The following PELO variants were observed in gnomAD, a reference collection of about 807,000 sequenced individuals.
PELO encodes the protein pelota mRNA surveillance and ribosome rescue factor, also known as protein pelota homolog.
A neutral mutation model predicts 25.9 loss-of-function variants in PELO; 19 were observed. The ratio of observed to expected loss-of-function variants is 0.73; its 90% CI spans 0.51 to 1.08. PELO has a LOEUF of 1.08. PELO is among the 50% of genes least tolerant of loss of function. PELO has a pLI of 0.00. For missense variants in PELO, 498 were observed against 491.4 expected (o/e 1.01, Z -0.13); for synonymous variants, 196 against 192.2 (o/e 1.02, Z -0.16).
At chr5:52,796,552 C>T (rs1374966376) in intron 1 of PELO, among the ~76,000 whole-genome samples, 2 of 152,064 alleles carry the variant, frequency 1.3e-5, no homozygotes, top group East Asian at 3.9e-4. Context: ...ATAACTACAG[C>T]AGTTTCTGAA....
At chr5:52,794,286 G>A (rs1438620596) in intron 1 of PELO, among the ~76,000 whole-genome samples, 4 of 139,248 alleles carry the variant, frequency 2.9e-5, no homozygotes, top group Admixed American at 7.0e-5. Context: ...AGTTAAGATG[G>A]TTTATATATT....
chr5:52,798,674 T>C (rs1414382458), intron 1 of PELO, among the ~76,000 whole-genome samples: 1 of 152,134 alleles, frequency 6.6e-6, no homozygotes, highest in East Asian at 1.9e-4. Flanking sequence ...TGAATCTGCA[T>C]TTTTACGTAA....
In PELO at chr5:52,788,087, G is replaced by T; in HGVS notation, c.-838G>T. ...TGTCTCGGACAGAGCCTGGGAAGCT[G>T]CCAGTGAGATTTCAGAGACCAAGAG... On this transcript the variant is annotated 5_prime_UTR_variant, in exon 1 of 3. Transcript: ENST00000274311. 2.4e-6 allele frequency: 1 copy of T among 408,318 alleles called. No individual in the cohort carries two copies. The highest frequency in any genetic ancestry group is 4.4e-6 in the Non-Finnish European group (1 of 228,902). 25.3% of individuals were successfully genotyped at this position (408,318 alleles called of 1,614,324 possible). A position where few individuals can be genotyped will look rare whatever the true frequency, so the allele number is the denominator to read the frequency against.
rs1382349596 is a variant in PELO, at chr5:52,788,402, T to C, written c.-523T>C. 31 of 1,513,630 alleles carry C rather than the reference T, an allele frequency of 2.0e-5. 1 individual carries two copies. The highest frequency in any genetic ancestry group is 2.7e-5 in the East Asian group (1 of 36,798). The allele number at this position is 1,513,630 out of a possible 1,614,324, so 93.8% of individuals were successfully genotyped here. On this transcript the variant is annotated 5_prime_UTR_variant, in exon 1 of 3. Coordinates refer to ENST00000274311, the MANE Select transcript of PELO (RefSeq NM_015946.5). ...CCCAGGGGTCGCTGTCGCCTGCTGC[T>C]GGCTCCTCACTGGTGAGCGACTCGC...
rs761558163 is a variant in PELO, at chr5:52,801,498, T to G, written c.816T>G (p.Ala272=). The change falls in exon 3 of 3, where the codon GCT becomes GCG. Residue 272 remains alanine (A), a synonymous_variant. Coordinates refer to ENST00000274311, the MANE Select transcript of PELO (RefSeq NM_015946.5). ...GCCGCCTTTCAGACACTAAAGCTGC[T>G]GGGGAAGTCAAAGCCTTGGATGACT... ...VASRLSDTKA[A]GEVKALDDFY... is the part of the protein sequence containing the mutation. 3.1e-6 allele frequency: 5 copies of G among 1,614,114 alleles called. No homozygotes were observed. Among genetic ancestry groups the G allele is most frequent in the Non-Finnish European group, 4.2e-6 (5 of 1,179,964 alleles).
Position 52,788,197 on chromosome 5 carries a change from A to C in PELO, c.-728A>C. 1 of 502,778 alleles carries C rather than the reference A, an allele frequency of 2.0e-6. No individual in the cohort carries two copies. Among genetic ancestry groups the C allele is most frequent in the Non-Finnish European group, 3.5e-6 (1 of 289,624 alleles). 31.1% of individuals were successfully genotyped at this position (502,778 alleles called of 1,614,324 possible). A position where few individuals can be genotyped will look rare whatever the true frequency, so the allele number is the denominator to read the frequency against. ...AGAGGAATTCGACGAAAACACAGGAAATCACTCCTCTCCCGCTCCTGGGCG... is the reference window on the plus strand; with the variant it reads ...AGAGGAATTCGACGAAAACACAGGACATCACTCCTCTCCCGCTCCTGGGCG... On this transcript the variant is annotated 5_prime_UTR_variant, in exon 1 of 3. Transcript: ENST00000274311.
At chr5:52,796,141 A>C (rs1034963976) in intron 1 of PELO, among the ~76,000 whole-genome samples, 18 of 152,094 alleles carry the variant, frequency 1.2e-4, no homozygotes, top group African/African-American at 4.3e-4. Flanking sequence ...TCAATTCTTC[A>C]GTGAAATAAA....
At chr5:52,794,096 C>T (rs1748293055) in intron 1 of PELO, among the ~76,000 whole-genome samples, 1 of 151,744 alleles carries the variant, frequency 6.6e-6, no homozygotes, top group Non-Finnish European at 1.5e-5. Flanking sequence ...CAATTTTATC[C>T]AAACAGGAGA....
In PELO at chr5:52,800,729, T is replaced by C; in HGVS notation, c.335T>C (p.Leu112Pro). Residue 112 changes from leucine to proline, a missense_variant, in exon 2 of 3, where the codon CTG becomes CCG. Transcript: ENST00000274311. Reference sequence around the variant, plus strand: ...CTGGAGCCCAACCGCCAGTTCACCCTGGCCAAGAAGCAGTGGGATAGTGTG... The same window carrying C: ...CTGGAGCCCAACCGCCAGTTCACCCCGGCCAAGAAGCAGTGGGATAGTGTG... ...IELEPNRQFT[L>P]AKKQWDSVVL... is the part of the protein sequence containing the mutation. 3.7e-6 allele frequency: 6 copies of C among 1,614,220 alleles called. No homozygotes were observed. The highest frequency in any genetic ancestry group is 5.1e-6 in the Non-Finnish European group (6 of 1,180,032).
At chr5:52,792,236 T>C (rs1474028654) in intron 1 of PELO, among the ~76,000 whole-genome samples, 1 of 152,196 alleles carries the variant, frequency 6.6e-6, no homozygotes, top group Non-Finnish European at 1.5e-5. Context: ...AGATTTCCTA[T>C]TCAAAATGAA....
At chr5:52,797,110 A>G (rs771244032) in intron 1 of PELO, among the ~76,000 whole-genome samples, 13 of 152,094 alleles carry the variant, frequency 8.5e-5, no homozygotes, top group African/African-American at 9.7e-5. Context: ...TGATTGGTCT[A>G]GAAATACTAA....
intron 1 of PELO, among the ~76,000 whole-genome samples, chr5:52,799,486 A>C (rs1044959582): frequency 2.0e-5 from 3 of 152,196 alleles, no homozygotes; most frequent in African/African-American, 7.2e-5. Flanking sequence ...ACATCAGGTC[A>C]AGCAACTGAG....
chr5:52,799,589 AACT>A (rs1446694266), intron 1 of PELO, among the ~76,000 whole-genome samples: 1 of 152,192 alleles, frequency 6.6e-6, no homozygotes, highest in Non-Finnish European at 1.5e-5. Flanking sequence ...CAGACACGGT[AACT>A]AGGCGCAGAA....
chr5:52,796,373 T>G (rs183141498), intron 1 of PELO, among the ~76,000 whole-genome samples: 125 of 151,986 alleles, frequency 8.2e-4, no homozygotes, highest in African/African-American at 2.7e-3. Context: ...TAGATATAAT[T>G]AAAGTTACTG....
intron 1 of PELO, among the ~76,000 whole-genome samples, chr5:52,795,693 TC>T (rs1748327549): frequency 6.6e-6 from 1 of 151,938 alleles, no homozygotes; most frequent in Non-Finnish European, 1.5e-5. Flanking sequence ...TGAGCTCTTG[TC>T]CCTTGTTTTG....
At position 52,788,039 on chromosome 5, in the gene PELO, G is replaced by A; in HGVS notation, c.-886G>A. On this transcript the variant is annotated 5_prime_UTR_variant, in exon 1 of 3. Transcript: ENST00000274311. ...TGGACTTTAGCCTAAACACGGACCC[G>A]CGAAGCTGGCTTTATTTGTCCATGT... 3.0e-6 allele frequency: 1 copy of A among 329,122 alleles called. No individual in the cohort carries two copies. Among genetic ancestry groups the A allele is most frequent in the Non-Finnish European group, 5.5e-6 (1 of 180,618 alleles). 20.4% of individuals were successfully genotyped at this position (329,122 alleles called of 1,614,324 possible). A position where few individuals can be genotyped will look rare whatever the true frequency, so the allele number is the denominator to read the frequency against.
intron 2 of PELO, 72 bp downstream of exon 2, chr5:52,801,192 G>C (rs1334915141): frequency 7.1e-7 from 1 of 1,416,368 alleles, no homozygotes; most frequent in South Asian, 1.4e-5. Context: ...TAAAGTTTTA[G>C]AACTGGGAAA....
chr5:52,789,257 G>A (rs1748192485), intron 1 of PELO, among the ~76,000 whole-genome samples: 1 of 152,040 alleles, frequency 6.6e-6, no homozygotes, highest in Admixed American at 6.5e-5. Context: ...ATGGAAGAAG[G>A]TGGGGGGAAA....
intron 1 of PELO, among the ~76,000 whole-genome samples, chr5:52,795,260 T>C (rs113307640): frequency 0.024 from 3,704 of 151,732 alleles, 163 homozygotes; most frequent in African/African-American, 0.084. Flanking sequence ...GTGGAAGAGG[T>C]AGTAGACATG....
Sources: gnomAD v4.1 joint callset for allele counts (sites outside exome capture counted in the v4.1 genomes callset) on GRCh38, gnomAD v4.1.1 for gene constraint, MANE v1.5 for transcripts, NCBI Gene and HGNC (gene_info 2026-07-23, HGNC 2026-07-21) for gene names.